The following NRXN3 variants were observed in gnomAD, a reference collection of about 807,000 sequenced individuals.
NRXN3 encodes the protein neurexin III.
In NRXN3, 32 loss-of-function variants were observed where a neutral mutation model predicts 137.6. The ratio of observed to expected loss-of-function variants is 0.23; its 90% CI spans 0.18 to 0.31. NRXN3 has a LOEUF of 0.31. NRXN3 is among the 10% of genes least tolerant of loss of function. The probability of loss-of-function intolerance (pLI) is 1.00; values close to 1 mark genes in which losing one functional copy is unlikely to be tolerated. For missense variants in NRXN3, 1,574 were observed against 2,062.5 expected (o/e 0.76, Z 4.59); for synonymous variants, 798 against 784.5 (o/e 1.02, Z -0.29).
At chr14:79,604,903 G>A (rs906470607) in intron 16 of NRXN3, among the ~76,000 whole-genome samples, 1 of 151,868 alleles carries the variant, frequency 6.6e-6, no homozygotes, top group East Asian at 2.0e-4. Context: ...ATGGTGGTGG[G>A]TACATGTAAT....
intron 6 of NRXN3, among the ~76,000 whole-genome samples, chr14:78,702,528 T>TC (rs530529180): frequency 1.4e-3 from 211 of 146,590 alleles, no homozygotes; most frequent in African/African-American, 5.0e-3. Context: ...CACTGCAACC[T>TC]CCACCTCCGG....
At position 79,861,982 on chromosome 14, in the gene NRXN3, A is replaced by G. The variant is rs1205416713; in HGVS notation, c.*18A>G. The G allele has an allele frequency of 6.3e-7, 1 of 1,580,024 alleles. No individual in the cohort carries two copies. Among genetic ancestry groups the G allele is most frequent in the East Asian group, 2.2e-5 (1 of 44,452 alleles). ...ACGTGTAAACATGCGAACACTGCTC[A>G]CACGCGAGTTTTCACAGTTATTTCT... is the stretch of plus-strand genomic sequence containing the variant. On this transcript the variant is annotated 3_prime_UTR_variant, in exon 21 of 21. Transcript: ENST00000335750. This position sits in a 1 kb window ranked among gnomAD's most constrained non-coding sequence, Gnocchi z 5.4.
chr14:79,522,624 G>C (rs1024807623), intron 16 of NRXN3, among the ~76,000 whole-genome samples: 1 of 152,142 alleles, frequency 6.6e-6, no homozygotes, highest in Non-Finnish European at 1.5e-5. Flanking sequence ...TCTGTGAACT[G>C]TCTTTCTTCC....
intron 15 of NRXN3, among the ~76,000 whole-genome samples, chr14:79,282,740 C>T (rs1025530371): frequency 1.7e-4 from 26 of 152,144 alleles, no homozygotes; most frequent in Admixed American, 1.7e-3. Context: ...CTGTAGAGTA[C>T]AGTGAACTCC....
chr14:79,151,783 A>G (rs938546656), intron 15 of NRXN3, among the ~76,000 whole-genome samples: 11 of 152,044 alleles, frequency 7.2e-5, no homozygotes, highest in Admixed American at 7.2e-4. Flanking sequence ...CAATTGTCCC[A>G]GAGTGCACAG....
At chr14:78,511,527 T>C (rs1267439093) in intron 4 of NRXN3, among the ~76,000 whole-genome samples, 1 of 152,130 alleles carries the variant, frequency 6.6e-6, no homozygotes, top group Non-Finnish European at 1.5e-5. Flanking sequence ...GGCTCTGCCA[T>C]TTCTAGTAAA....
At chr14:79,039,150 T>C (rs2099621033) in intron 15 of NRXN3, among the ~76,000 whole-genome samples, 1 of 152,142 alleles carries the variant, frequency 6.6e-6, no homozygotes, top group Non-Finnish European at 1.5e-5. Context: ...AACTTGGAAC[T>C]GTATCTATGG....
intron 5 of NRXN3, 95 bp downstream of exon 5, chr14:78,645,516 GT>G: frequency 9.2e-7 from 1 of 1,081,484 alleles, no homozygotes; most frequent in Non-Finnish European, 1.3e-6. Flanking sequence ...GTGGAGAGGG[GT>G]GGAGATTCAG....
intron 15 of NRXN3, among the ~76,000 whole-genome samples, chr14:79,032,941 T>C (rs1038643427): frequency 3.3e-5 from 5 of 152,184 alleles, no homozygotes; most frequent in African/African-American, 1.2e-4. Flanking sequence ...AATTAGTTAA[T>C]ACCAGTTAAG....
intron 17 of NRXN3, among the ~76,000 whole-genome samples, chr14:79,684,200 A>G (rs1331429819): frequency 6.6e-6 from 1 of 152,194 alleles, no homozygotes; most frequent in African/African-American, 2.4e-5. Context: ...AACAAAAAGA[A>G]TACATTTAAT....
At chr14:79,475,683 A>G (rs985571999) in intron 16 of NRXN3, among the ~76,000 whole-genome samples, 1 of 152,082 alleles carries the variant, frequency 6.6e-6, no homozygotes, top group African/African-American at 2.4e-5. Context: ...ATAGATTTTG[A>G]TATTATTGGT....
intron 4 of NRXN3, among the ~76,000 whole-genome samples, chr14:78,389,060 T>TA (rs940143606): frequency 8.3e-4 from 124 of 150,030 alleles, no homozygotes; most frequent in Admixed American, 3.2e-3. Context: ...AAGTTTCTTT[T>TA]TTTTTTTTTT....
At chr14:79,840,288 A>G (rs2099353298) in intron 20 of NRXN3, among the ~76,000 whole-genome samples, 1 of 152,182 alleles carries the variant, frequency 6.6e-6, no homozygotes, top group Non-Finnish European at 1.5e-5. Flanking sequence ...AAACATGTAG[A>G]TAACCAGGCA....
At chr14:78,304,949 A>AAC (rs1178785634) in intron 4 of NRXN3, among the ~76,000 whole-genome samples, 1 of 152,190 alleles carries the variant, frequency 6.6e-6, no homozygotes, top group Non-Finnish European at 1.5e-5. Flanking sequence ...TGTACGTATG[A>AAC]ACACACACAC....
chr14:79,047,744 C>T (rs1378565461), intron 15 of NRXN3, among the ~76,000 whole-genome samples: 5 of 152,044 alleles, frequency 3.3e-5, no homozygotes, highest in African/African-American at 2.4e-5. Flanking sequence ...TCATTTTATA[C>T]CAACTAAAAT....
chr14:79,489,149 A>C (rs1014044797), intron 16 of NRXN3, among the ~76,000 whole-genome samples: 1 of 152,208 alleles, frequency 6.6e-6, no homozygotes, highest in African/African-American at 2.4e-5. Context: ...ATTGTTAAAT[A>C]ACAATGTCCA....
intron 4 of NRXN3, among the ~76,000 whole-genome samples, chr14:78,588,689 C>T (rs2097090430): frequency 6.6e-6 from 1 of 152,216 alleles, no homozygotes; most frequent in Non-Finnish European, 1.5e-5. Flanking sequence ...CAAGTGAGAA[C>T]TCAACACAAT....
At chr14:79,192,765 ATTTTTT>A (rs961910712) in intron 15 of NRXN3, among the ~76,000 whole-genome samples, 19 of 115,296 alleles carry the variant, frequency 1.6e-4, no homozygotes, top group African/African-American at 2.3e-4. Flanking sequence ...AATTCTCTTA[ATTTTTT>A]TTTTTTTTTT....
chr14:79,725,247 T>C (rs980396473), intron 19 of NRXN3, among the ~76,000 whole-genome samples: 3 of 152,194 alleles, frequency 2.0e-5, no homozygotes, highest in Non-Finnish European at 2.9e-5. Flanking sequence ...TGAGGAACTT[T>C]AGATTGATAC....
Sources: gnomAD v4.1 joint callset for allele counts (sites outside exome capture counted in the v4.1 genomes callset) on GRCh38, gnomAD v4.1.1 for gene constraint, Gnocchi (gnomAD v3.1) non-coding constraint, MANE v1.5 for transcripts, NCBI Gene and HGNC (gene_info 2026-07-23, HGNC 2026-07-21) for gene names.